TBCD: variants seen among roughly 807,000 people sequenced by gnomAD.
TBCD encodes the protein tubulin folding cofactor D.
A neutral mutation model predicts 169.3 loss-of-function variants in TBCD; 105 were observed. The observed-to-expected ratio is 0.62, with a 90% CI of 0.53 to 0.73. TBCD has a LOEUF of 0.73. TBCD is among the 30% of genes least tolerant of loss of function. TBCD has a pLI of 0.00. For missense variants in TBCD, 1,444 were observed against 1,600.1 expected, an observed-to-expected ratio of 0.90 and a Z score of 1.66; for synonymous variants, 700 against 643.9, an observed-to-expected ratio of 1.09 and a Z score of -1.32.
intron 23 of TBCD, among the ~76,000 whole-genome samples, chr17:82,919,894 A>G (rs1176079925): frequency 6.6e-6 from 1 of 152,134 alleles, no homozygotes; most frequent in Non-Finnish European, 1.5e-5. Flanking sequence ...CAAAAAATGG[A>G]AGGAGAGTTT....
chr17:82,931,362 TCC>T (rs1410231140), intron 33 of TBCD, among the ~76,000 whole-genome samples: 1 of 152,208 alleles, frequency 6.6e-6, no homozygotes, highest in Non-Finnish European at 1.5e-5. Context: ...CTTAAAATCT[TCC>T]CCAGTCAGGA....
intron 7 of TBCD, among the ~76,000 whole-genome samples, chr17:82,791,958 T>C (rs1470986590): frequency 6.6e-6 from 1 of 152,170 alleles, no homozygotes; most frequent in Non-Finnish European, 1.5e-5. Context: ...TGCTGAATAC[T>C]GCAGGGAACT....
chr17:82,819,979 T>TA lies in TBCD; in HGVS notation c.1318+5045_1318+5046insA, dbSNP rs533024310. Among the ~76,000 whole-genome samples, 1,037 of 152,026 alleles carry TA rather than the reference T, an allele frequency of 6.8e-3. 6 individuals carry two copies. Among genetic ancestry groups the TA allele is most frequent in the Non-Finnish European group, 0.011 (717 of 67,946 alleles). Reference sequence around the variant, plus strand: ...ATGTATTGGTTTAAGTTTACCTTTTTTTTTTTTTTCTTTTTTTGAGACAGA... The same window carrying TA: ...ATGTATTGGTTTAAGTTTACCTTTTTATTTTTTTTTCTTTTTTTGAGACAGA... On this transcript the variant is annotated intron_variant, in intron 13 of 38. Transcript: ENST00000355528.
rs1448430753 is a variant in TBCD at position 82,903,415 on chromosome 17, G to C, written c.1741G>C (p.Glu581Gln). ...TCTCCTCACTCTCAGGGTCATCCGA[G>C]AGTTGGCTGCGAGGGCGCTGCACAA... ...KISHWDGVIRELAARALHNLA... is the reference protein window; with the variant it reads ...KISHWDGVIRQLAARALHNLA... Residue 581 changes from glutamate (E) to glutamine (Q), a missense_variant, in exon 19 of 39, where the codon GAG (glutamate) becomes CAG (glutamine). Coordinates refer to ENST00000355528, the MANE Select transcript of TBCD (RefSeq NM_005993.5). This position sits in a 1 kb window ranked among gnomAD's most constrained non-coding sequence, Gnocchi z 4.8. The C allele has an allele frequency of 6.2e-7, 1 of 1,602,818 alleles. No homozygotes were observed. The highest frequency in any genetic ancestry group is 8.5e-7 in the Non-Finnish European group (1 of 1,174,826).
intron 16 of TBCD, 72 bp from the exon 17 acceptor site, chr17:82,893,475 A>AT (rs1277276990): frequency 8.2e-7 from 1 of 1,226,704 alleles, no homozygotes; most frequent in Non-Finnish European, 1.2e-6. Flanking sequence ...TGTGGATGTG[A>AT]TTATTGAACT....
intron 13 of TBCD, among the ~76,000 whole-genome samples, chr17:82,842,678 A>G (rs2054619976): frequency 6.6e-6 from 1 of 151,558 alleles, no homozygotes; most frequent in Admixed American, 6.6e-5. Flanking sequence ...AAATGTTTTT[A>G]TCTACTCTTC....
Position 82,889,655 on chromosome 17 carries a change from CT to C in TBCD, c.1534-10del. The C allele has an allele frequency of 1.9e-6, 3 of 1,613,914 alleles. No homozygotes were observed. Among genetic ancestry groups the C allele is most frequent in the Non-Finnish European group, 2.5e-6 (3 of 1,179,868 alleles). On this transcript the variant is annotated splice_polypyrimidine_tract_variant and intron_variant, in intron 15 of 38. Coordinates refer to ENST00000355528, the MANE Select transcript of TBCD (RefSeq NM_005993.5). The surrounding 1 kb of genome is among the most constrained non-coding windows in gnomAD (Gnocchi z 5.3). Reference sequence around the variant, plus strand: ...ACCTCGCTCACCTGCTGTGTTTGTTCTTTGCTCCGCAGGCCGCCTTCCAGGA... The same window carrying C: ...ACCTCGCTCACCTGCTGTGTTTGTTCTTGCTCCGCAGGCCGCCTTCCAGGA...
rs780526192 is a variant in TBCD at position 82,922,735 on chromosome 17, CTGCTCA to C, written c.2179-914_2179-909del. ...GCACCCTGTAGACGACGCACCTCCT[CTGCTCA>C]TGGCCCCCACCTGCCCCGCCCCCAG... On this transcript the variant is annotated intron_variant, in intron 25 of 38. Transcript: ENST00000355528. This position sits in a 1 kb window ranked among gnomAD's most constrained non-coding sequence, Gnocchi z 4.1. Among the ~76,000 whole-genome samples, 1 of 152,250 alleles carries C rather than the reference CTGCTCA, an allele frequency of 6.6e-6. No homozygotes were observed. Among genetic ancestry groups the C allele is most frequent in the Non-Finnish European group, 1.5e-5 (1 of 68,034 alleles).
intron 9 of TBCD, among the ~76,000 whole-genome samples, chr17:82,801,913 C>T (rs867690707): frequency 3.1e-4 from 46 of 146,750 alleles, no homozygotes; most frequent in African/African-American, 9.9e-4. Flanking sequence ...AGGAGGGCGG[C>T]GTGTGTGTCG....
intron 13 of TBCD, among the ~76,000 whole-genome samples, chr17:82,847,421 T>G (rs2055242420): frequency 6.7e-6 from 1 of 149,740 alleles, no homozygotes; most frequent in African/African-American, 2.5e-5. Context: ...ACTGACTGTG[T>G]CAGACAACTC....
At chr17:82,847,087 C>T (rs895474307) in intron 13 of TBCD, among the ~76,000 whole-genome samples, 2 of 152,110 alleles carry the variant, frequency 1.3e-5, no homozygotes, top group Non-Finnish European at 2.9e-5. Flanking sequence ...CGTGGTGGCT[C>T]ACGCCTGTAA....
chr17:82,854,442 T>TCC (rs2056081633), intron 13 of TBCD, among the ~76,000 whole-genome samples: 1 of 152,214 alleles, frequency 6.6e-6, no homozygotes. Flanking sequence ...CTTATGAGGC[T>TCC]CCACATGGGC....
At chr17:82,788,402 G>A (rs528762488) in intron 7 of TBCD, among the ~76,000 whole-genome samples, 180 of 152,204 alleles carry the variant, frequency 1.2e-3, no homozygotes, top group Non-Finnish European at 1.6e-3. Flanking sequence ...AGGCGGCGGC[G>A]GGGCTGGGGG....
intron 11 of TBCD, among the ~76,000 whole-genome samples, chr17:82,808,961 T>C (rs945527295): frequency 6.6e-6 from 1 of 150,848 alleles, no homozygotes. Context: ...ATGAGGCAGG[T>C]AGAGGGGCCA....
Position 82,831,039 on chromosome 17 carries a change from G to C in TBCD, c.1318+16105G>C. On this transcript the variant is annotated intron_variant, in intron 13 of 38. Coordinates refer to ENST00000355528, the MANE Select transcript of TBCD (RefSeq NM_005993.5). The surrounding 1 kb of genome is among the most constrained non-coding windows in gnomAD (Gnocchi z 4.6). Reference sequence around the variant, plus strand: ...CTTACCTTACTGGAGACTCTGCTGTGGTCTCAGCAGCCTGGGCAGGTAGGC... The same window carrying C: ...CTTACCTTACTGGAGACTCTGCTGTCGTCTCAGCAGCCTGGGCAGGTAGGC... 1 of 1,614,168 alleles carries C rather than the reference G, an allele frequency of 6.2e-7. No homozygotes were observed. Among genetic ancestry groups the C allele is most frequent in the Non-Finnish European group, 8.5e-7 (1 of 1,180,048 alleles).
In TBCD at chr17:82,830,632, G is replaced by A. The variant is rs558487568; in HGVS notation, c.1318+15698G>A. ...GGGGAAGGCAGGCCTCGGAGCCTGG[G>A]TGTTACAGGGGTCCTTCACCGAGAG... On this transcript the variant is annotated intron_variant, in intron 13 of 38. Coordinates refer to ENST00000355528, the MANE Select transcript of TBCD (RefSeq NM_005993.5). 20 of 1,613,926 alleles carry A rather than the reference G, an allele frequency of 1.2e-5. No homozygotes were observed. The highest frequency in any genetic ancestry group is 1.6e-4 in the Middle Eastern group (1 of 6,084).
chr17:82,887,213 G>T (rs1040079430), intron 15 of TBCD, among the ~76,000 whole-genome samples: 8 of 150,888 alleles, frequency 5.3e-5, no homozygotes, highest in Admixed American at 5.3e-4. Context: ...CTGTGTGATT[G>T]TATCACATAC....
chr17:82,895,601 G>C (rs1044849460), intron 17 of TBCD, among the ~76,000 whole-genome samples: 1 of 152,124 alleles, frequency 6.6e-6, no homozygotes, highest in African/African-American at 2.4e-5. Flanking sequence ...CTTGGGAGAC[G>C]GGAGAGGGCT....
At chr17:82,870,084 T>C (rs1235688517) in intron 13 of TBCD, 140 bp from the exon 14 acceptor site, 1 of 1,152,106 alleles carries the variant, frequency 8.7e-7, no homozygotes, top group Non-Finnish European at 1.2e-6. Flanking sequence ...CCCGAACCTC[T>C]GGGTGGGCTC....
Sources: allele counts gnomAD v4.1 joint callset (sites outside exome capture counted in the v4.1 genomes callset), GRCh38; gene constraint gnomAD v4.1.1; non-coding constraint Gnocchi (gnomAD v3.1); transcripts MANE v1.5; gene names NCBI Gene and HGNC (gene_info 2026-07-23, HGNC 2026-07-21).